The following ZNG1E variants were observed in gnomAD, a reference collection of about 807,000 sequenced individuals.
ZNG1E encodes the protein Zn regulated GTPase metalloprotein activator 1E.
At chr9:65,710,769 A>G in the ZNG1E span, among the ~76,000 whole-genome samples, 2 of 149,056 alleles carry the variant, frequency 1.3e-5, no homozygotes, top group African/African-American at 5.0e-5. Context: ...CTTGTAGTAT[A>G]GTTTGAAGTC....
chr9:65,708,472 C>T, the ZNG1E span: 1 of 252,342 alleles, frequency 4.0e-6, no homozygotes, highest in Non-Finnish European at 7.5e-6. Flanking sequence ...TTATTTGACT[C>T]CTCATTTTTA....
chr9:65,688,247 CAAT>C, the ZNG1E span, among the ~76,000 whole-genome samples: 3 of 139,076 alleles, frequency 2.2e-5, no homozygotes, highest in Non-Finnish European at 1.5e-5. Flanking sequence ...TTGGTTAAGT[CAAT>C]AATTAAAAAT....
At chr9:65,718,983 A>T in the ZNG1E span, among the ~76,000 whole-genome samples, 1 of 82,786 alleles carries the variant, frequency 1.2e-5, no homozygotes. Context: ...GCTGCATATG[A>T]AGTTTTAGGC....
chr9:65,657,574 G>T, the ZNG1E span, among the ~76,000 whole-genome samples: 2 of 152,216 alleles, frequency 1.3e-5, no homozygotes, highest in Admixed American at 6.5e-5. Flanking sequence ...AGGCTGGAAG[G>T]GTAGTTGTGG....
the ZNG1E span, among the ~76,000 whole-genome samples, chr9:65,675,073 T>C: frequency 7.8e-3 from 1,166 of 149,432 alleles, no homozygotes; most frequent in African/African-American, 0.028. Context: ...ACGTGGGATA[T>C]GTGATAAAAC....
the ZNG1E span, among the ~76,000 whole-genome samples, chr9:65,685,043 T>TTAA: frequency 8.0e-3 from 858 of 107,714 alleles, no homozygotes; most frequent in East Asian, 0.031. Flanking sequence ...CCCCATTTCT[T>TTAA]AAAAAAAAAA....
chr9:65,673,823 T>C, the ZNG1E span, among the ~76,000 whole-genome samples: 2 of 152,292 alleles, frequency 1.3e-5, no homozygotes, highest in Non-Finnish European at 2.9e-5. Flanking sequence ...GAAAGAGGGA[T>C]TTTAGTATAA....
chr9:65,686,839 C>T, the ZNG1E span, among the ~76,000 whole-genome samples: 19 of 152,258 alleles, frequency 1.2e-4, no homozygotes, highest in Non-Finnish European at 1.9e-4. Context: ...CTTTTCTTCT[C>T]TAGCTTCCTC....
chr9:65,681,304 G>A, the ZNG1E span, among the ~76,000 whole-genome samples: 3 of 152,220 alleles, frequency 2.0e-5, no homozygotes, highest in African/African-American at 7.2e-5. Flanking sequence ...TAAGAAATGG[G>A]GGTGGCCAAG....
the ZNG1E span, among the ~76,000 whole-genome samples, chr9:65,667,077 T>C: frequency 6.6e-6 from 1 of 152,258 alleles, no homozygotes; most frequent in Admixed American, 6.5e-5. Context: ...TGTCTTGGTC[T>C]CCCAAAGTGC....
chr9:65,687,891 A>T, the ZNG1E span, among the ~76,000 whole-genome samples: 1 of 149,960 alleles, frequency 6.7e-6, no homozygotes. Context: ...ACTTATAATC[A>T]TTTTTCCCTA....
the ZNG1E span, among the ~76,000 whole-genome samples, chr9:65,695,898 G>A: frequency 6.6e-6 from 1 of 151,282 alleles, no homozygotes; most frequent in Non-Finnish European, 1.5e-5. Flanking sequence ...CAGAGATAAG[G>A]AATACTTTGG....
At chr9:65,693,097 A>G in the ZNG1E span, among the ~76,000 whole-genome samples, 525 of 150,236 alleles carry the variant, frequency 3.5e-3, no homozygotes, top group East Asian at 0.021. Context: ...AAACCTGCAC[A>G]TCGTGAGCAT....
chr9:65,684,510 C>A, the ZNG1E span, among the ~76,000 whole-genome samples: 1 of 152,044 alleles, frequency 6.6e-6, no homozygotes, highest in Non-Finnish European at 1.5e-5. Context: ...GCACTCCAGC[C>A]CAGGCAACAG....
the ZNG1E span, among the ~76,000 whole-genome samples, chr9:65,684,552 A>ACACACACG: frequency 1.9e-4 from 7 of 37,296 alleles, no homozygotes; most frequent in Admixed American, 7.4e-4. Context: ...ACACGCACGC[A>ACACACACG]CACACACACA....
At chr9:65,665,379 G>T in the ZNG1E span, among the ~76,000 whole-genome samples, 5 of 152,266 alleles carry the variant, frequency 3.3e-5, no homozygotes, top group Admixed American at 2.6e-4. Flanking sequence ...TGCTTCAGAG[G>T]GTGCAAGCCC....
At chr9:65,704,536 T>C in the ZNG1E span, 1 of 717,076 alleles carries the variant, frequency 1.4e-6, no homozygotes, top group Non-Finnish European at 1.6e-6. Context: ...TGAGTAGAAT[T>C]CTTACTATTG....
the ZNG1E span, among the ~76,000 whole-genome samples, chr9:65,659,347 T>G: frequency 6.7e-6 from 1 of 150,144 alleles, no homozygotes; most frequent in Admixed American, 6.6e-5. Flanking sequence ...ATACAAAAAT[T>G]AGCCAGGCGT....
chr9:65,679,582 G>A, the ZNG1E span: 1 of 391,458 alleles, frequency 2.6e-6, no homozygotes, highest in Non-Finnish European at 4.6e-6. Context: ...TTGAGATGGA[G>A]TCTCTCTCTG....
Sources: allele counts gnomAD v4.1 joint callset (sites outside exome capture counted in the v4.1 genomes callset), GRCh38; gene constraint gnomAD v4.1.1; transcripts MANE v1.5; gene names NCBI Gene and HGNC (gene_info 2026-07-23, HGNC 2026-07-21).